Variants in AP4E1 observed in about 807,000 individuals in gnomAD.
AP4E1 encodes the protein adaptor related protein complex 4 subunit epsilon 1, also known as AP-4 complex subunit epsilon-1.
A neutral mutation model predicts 128.2 loss-of-function variants in AP4E1; 56 were observed. The observed-to-expected ratio is 0.44, with a 90% CI of 0.35 to 0.55. The LOEUF (loss-of-function observed/expected upper bound fraction) is 0.55, where lower values mean the gene tolerates loss of function less well. AP4E1 is among the 20% of genes least tolerant of loss of function. The pLI is 0.00. For synonymous variants in AP4E1, 484 were observed against 473.1 expected (o/e 1.02, Z -0.30); for missense variants, 1,324 against 1,307.7 (o/e 1.01, Z -0.19).
At chr15:50,938,820 G>C (rs989000325) in intron 8 of AP4E1, among the ~76,000 whole-genome samples, 1 of 152,082 alleles carries the variant, frequency 6.6e-6, no homozygotes, top group Non-Finnish European at 1.5e-5. Context: ...ACAATAACCA[G>C]GAGCCTCTCC....
At position 50,934,686 on chromosome 15, in the gene AP4E1, A is replaced by G. The variant is rs536656846; in HGVS notation, c.932A>G (p.Asn311Ser). Residue 311 changes from asparagine (N) to serine (S), a missense_variant, in exon 8 of 21, where the codon AAT becomes AGT. Transcript: ENST00000261842. ...TTACGAAGAGCTGAGTTAAATCACAATGTCACATATGGTAGGTAATATATG... is the reference window on the plus strand; with the variant it reads ...TTACGAAGAGCTGAGTTAAATCACAGTGTCACATATGGTAGGTAATATATG... ...ESLRRAELNH[N>S]VTYAILFECV... The G allele has an allele frequency of 1.0e-4, 166 of 1,599,756 alleles. No individual in the cohort carries two copies. The highest frequency in any genetic ancestry group is 4.7e-4 in the Admixed American group (28 of 59,948).
intron 17 of AP4E1, among the ~76,000 whole-genome samples, chr15:50,994,529 G>A: frequency 6.6e-6 from 1 of 152,158 alleles, no homozygotes; most frequent in African/African-American, 2.4e-5. Context: ...TGTCAGACTT[G>A]ATATTTTCTC....
intron 5 of AP4E1, among the ~76,000 whole-genome samples, chr15:50,927,224 G>C (rs772191353): frequency 3.9e-5 from 6 of 152,026 alleles, no homozygotes; most frequent in Non-Finnish European, 7.4e-5. Context: ...ATTGCTTTGT[G>C]TTTAGTCTAA....
chr15:50,947,864 T>G (rs1312444030), intron 10 of AP4E1, among the ~76,000 whole-genome samples, 156 bp from the exon 11 acceptor site: 1 of 152,338 alleles, frequency 6.6e-6, no homozygotes, highest in Admixed American at 6.5e-5. Context: ...CTTAAGCTTT[T>G]CATTGAAATT....
chr15:50,953,310 A>G (rs1178480888), intron 13 of AP4E1, among the ~76,000 whole-genome samples: 1 of 152,122 alleles, frequency 6.6e-6, no homozygotes, highest in Non-Finnish European at 1.5e-5. Flanking sequence ...TTCTTTCTAC[A>G]GCATACAGGT....
intron 15 of AP4E1, among the ~76,000 whole-genome samples, chr15:50,978,460 C>T (rs1424540673): frequency 6.6e-6 from 1 of 152,038 alleles, no homozygotes; most frequent in East Asian, 1.9e-4. Context: ...ATAGCCAAGT[C>T]GTCAAGGTAT....
chr15:50,909,077 G>A, intron 1 of AP4E1, 149 bp downstream of exon 1: 1 of 1,327,876 alleles, frequency 7.5e-7, no homozygotes, highest in Admixed American at 2.8e-5. Flanking sequence ...CCTTTCGTCT[G>A]CCTGGAAGCT....
Position 50,912,098 on chromosome 15 carries a change from G to A in AP4E1, c.171G>A (p.Gln57=), listed in dbSNP as rs28463775. ...CTCAGGAAGAAGAAAAATTAATCCAGCAGGAACTGAGTAGTCTGAAAGCGA... is the reference window on the plus strand; with the variant it reads ...CTCAGGAAGAAGAAAAATTAATCCAACAGGAACTGAGTAGTCTGAAAGCGA... ...TSKHEEEKLI[Q]QELSSLKATV... is the part of the protein sequence containing the mutation. Residue 57 remains glutamine, a synonymous_variant, in exon 2 of 21, where the codon CAG becomes CAA. Coordinates refer to ENST00000261842, the MANE Select transcript of AP4E1 (RefSeq NM_007347.5). 8.8e-4 allele frequency: 1,413 copies of A among 1,614,068 alleles called. 14 individuals carry two copies. The African/African-American group carries it at 0.017, about 20-fold the overall frequency.
At chr15:50,910,099 G>T (rs1253843725) in intron 1 of AP4E1, among the ~76,000 whole-genome samples, 2 of 152,232 alleles carry the variant, frequency 1.3e-5, no homozygotes, top group Non-Finnish European at 2.9e-5. Context: ...CGATTCTCCT[G>T]CCTCAGCCTC....
intron 16 of AP4E1, among the ~76,000 whole-genome samples, chr15:50,986,191 C>T (rs898048574): frequency 2.3e-4 from 35 of 152,154 alleles, no homozygotes; most frequent in African/African-American, 4.3e-4. Flanking sequence ...TGCTTATCAG[C>T]TTAAGGAGAT....
chr15:50,983,630 C>T (rs931403533), intron 15 of AP4E1, among the ~76,000 whole-genome samples: 7 of 152,080 alleles, frequency 4.6e-5, no homozygotes, highest in African/African-American at 1.7e-4. Context: ...CGAGAATGTA[C>T]CCAGGAGCAG....
chr15:50,959,154 T>C (rs1382078413), intron 14 of AP4E1, among the ~76,000 whole-genome samples: 2 of 151,154 alleles, frequency 1.3e-5, no homozygotes, highest in African/African-American at 4.9e-5. Context: ...GAGGTTGCAG[T>C]GAGCTGAGAT....
chr15:50,945,521 A>G, intron 10 of AP4E1: 1 of 745,638 alleles, frequency 1.3e-6, no homozygotes, highest in Non-Finnish European at 2.5e-6. Flanking sequence ...GCAGTGCTTG[A>G]CATGGATTAC....
chr15:50,977,897 A>G (rs2064580662), intron 15 of AP4E1, among the ~76,000 whole-genome samples: 1 of 151,934 alleles, frequency 6.6e-6, no homozygotes, highest in Admixed American at 6.6e-5. Flanking sequence ...TTTAGTAGCG[A>G]TGACGTTTCA....
At chr15:50,971,581 C>T (rs1458964622) in intron 15 of AP4E1, among the ~76,000 whole-genome samples, 2 of 152,042 alleles carry the variant, frequency 1.3e-5, no homozygotes, top group African/African-American at 2.4e-5. Flanking sequence ...ATAATACAAA[C>T]ATTTATTTGC....
intron 15 of AP4E1, among the ~76,000 whole-genome samples, chr15:50,977,684 T>C (rs748483886): frequency 3.1e-4 from 46 of 150,000 alleles, no homozygotes; most frequent in African/African-American, 1.1e-3. Context: ...TTCTTGAATC[T>C]TTTAATTATC....
intron 15 of AP4E1, among the ~76,000 whole-genome samples, chr15:50,982,623 G>A (rs939023087): frequency 2.0e-5 from 3 of 152,178 alleles, no homozygotes; most frequent in African/African-American, 7.2e-5. Flanking sequence ...AAGAAATGAA[G>A]ATCTAGTTCA....
chr15:50,913,321 C>T (rs561453013), intron 2 of AP4E1, among the ~76,000 whole-genome samples: 1 of 152,162 alleles, frequency 6.6e-6, no homozygotes, highest in African/African-American at 2.4e-5. Flanking sequence ...TAGATAGAAA[C>T]GTTAAACAGA....
intron 15 of AP4E1, among the ~76,000 whole-genome samples, chr15:50,975,132 G>A (rs370894674): frequency 4.6e-5 from 7 of 152,086 alleles, no homozygotes; most frequent in African/African-American, 1.2e-4. Context: ...CCAGCTGGGC[G>A]CGGTGGCTCA....
Sources: gnomAD v4.1 joint callset for allele counts (sites outside exome capture counted in the v4.1 genomes callset) on GRCh38, gnomAD v4.1.1 for gene constraint, MANE v1.5 for transcripts, NCBI Gene and HGNC (gene_info 2026-07-23, HGNC 2026-07-21) for gene names.